Variants in UBE2D1 observed in about 807,000 individuals in gnomAD.
UBE2D1 encodes ubiquitin-conjugating enzyme E2 D1.
A neutral mutation model predicts 24.6 loss-of-function variants in UBE2D1; 9 were observed. The observed-to-expected ratio is 0.37, with a 90% CI of 0.22 to 0.64. UBE2D1 has a LOEUF of 0.64. UBE2D1 is among the 30% of genes least tolerant of loss of function. UBE2D1 has a pLI of 0.64. For missense variants in UBE2D1, 87 were observed against 177.1 expected, an observed-to-expected ratio of 0.49 and a Z score of 2.89; for synonymous variants, 57 against 57.6, an observed-to-expected ratio of 0.99 and a Z score of 0.04.
chr10:58,370,679 C>G lies in UBE2D1; in HGVS notation c.*1914C>G, dbSNP rs558051759. On this transcript the variant is annotated 3_prime_UTR_variant, in exon 7 of 7. Coordinates refer to ENST00000373910, the MANE Select transcript of UBE2D1 (RefSeq NM_003338.5). Reference sequence around the variant, plus strand: ...CACTTTAAACAAAAAAAAAAAACAACTTTCATTTGTGTGGCATTTATTTTT... The same window carrying G: ...CACTTTAAACAAAAAAAAAAAACAAGTTTCATTTGTGTGGCATTTATTTTT... 5.4e-5 allele frequency: 8 copies of G among 147,736 alleles called. No homozygotes were observed. Among genetic ancestry groups the G allele is most frequent in the African/African-American group, 1.8e-4 (7 of 39,014 alleles). The allele number at this position is 147,736 out of a possible 1,614,324, so 9.2% of individuals were successfully genotyped here. A position where few individuals can be genotyped will look rare whatever the true frequency, so the allele number is the denominator to read the frequency against.
At chr10:58,347,491 T>C (rs1840029130) in intron 1 of UBE2D1, among the ~76,000 whole-genome samples, 1 of 152,100 alleles carries the variant, frequency 6.6e-6, no homozygotes, top group African/African-American at 2.4e-5. Context: ...CAGGAAGCCA[T>C]GTTTGAAAGT....
At chr10:58,366,574 A>AT (rs1006401882) in intron 5 of UBE2D1, among the ~76,000 whole-genome samples, 2 of 151,862 alleles carry the variant, frequency 1.3e-5, no homozygotes, top group Non-Finnish European at 2.9e-5. Context: ...ACTTTGCTAT[A>AT]TTTTTTTAAA....
Position 58,355,196 on chromosome 10 carries a change from A to C in UBE2D1, c.25-6142A>C, listed in dbSNP as rs536150542. Reference sequence around the variant, plus strand: ...CTCATAGACTTCCTGAAAGTGTTTTAGAAAACCCAAGGGGGTTCTTTGGAG... The same window carrying C: ...CTCATAGACTTCCTGAAAGTGTTTTCGAAAACCCAAGGGGGTTCTTTGGAG... On this transcript the variant is annotated intron_variant, in intron 1 of 6. Coordinates refer to ENST00000373910, the MANE Select transcript of UBE2D1 (RefSeq NM_003338.5). 4.6e-5 allele frequency among the ~76,000 whole-genome samples: 7 copies of C among 152,350 alleles called. No individual in the cohort carries two copies. In the East Asian group the frequency reaches 1.3e-3, roughly 29 times the overall value.
At chr10:58,342,340 C>T (rs539548681) in intron 1 of UBE2D1, among the ~76,000 whole-genome samples, 3 of 152,166 alleles carry the variant, frequency 2.0e-5, no homozygotes, top group African/African-American at 4.8e-5. Flanking sequence ...ATTTAGATTC[C>T]TGGGTTTTTT....
chr10:58,354,313 G>A (rs974854458), intron 1 of UBE2D1, among the ~76,000 whole-genome samples: 3 of 151,866 alleles, frequency 2.0e-5, no homozygotes, highest in Non-Finnish European at 4.4e-5. Context: ...TGAAAGGAAG[G>A]TTATTTTAGA....
At chr10:58,348,677 ATTT>A (rs1029810857) in intron 1 of UBE2D1, among the ~76,000 whole-genome samples, 3 of 152,156 alleles carry the variant, frequency 2.0e-5, no homozygotes, top group Non-Finnish European at 4.4e-5. Context: ...ACAACAAAGC[ATTT>A]TTAGTCTGGT....
intron 4 of UBE2D1, among the ~76,000 whole-genome samples, chr10:58,363,970 T>G (rs957709957): frequency 7.2e-5 from 11 of 152,158 alleles, no homozygotes; most frequent in Non-Finnish European, 1.3e-4. Context: ...GTTTTTATGA[T>G]TAAGAGTCAG....
chr10:58,352,439 G>T (rs1002708884), intron 1 of UBE2D1, among the ~76,000 whole-genome samples: 2 of 148,976 alleles, frequency 1.3e-5, no homozygotes, highest in African/African-American at 4.9e-5. Flanking sequence ...AGTCCTACTT[G>T]TAATAACTGG....
At chr10:58,335,320 G>C in intron 1 of UBE2D1, 95 bp downstream of exon 1, 4 of 1,351,312 alleles carry the variant, frequency 3.0e-6, no homozygotes, top group Non-Finnish European at 3.9e-6. Flanking sequence ...GGGAGAGCAA[G>C]GGATGGAAGG....
intron 3 of UBE2D1, 83 bp from the exon 4 acceptor site, chr10:58,363,526 C>A: frequency 1.0e-6 from 1 of 964,002 alleles, no homozygotes; most frequent in Non-Finnish European, 1.5e-6. Flanking sequence ...TTTTTTCAAA[C>A]TGATAATATT....
intron 1 of UBE2D1, among the ~76,000 whole-genome samples, chr10:58,350,741 G>A (rs1840065666): frequency 6.6e-6 from 1 of 152,124 alleles, no homozygotes; most frequent in African/African-American, 2.4e-5. Flanking sequence ...ATTTAGGATT[G>A]ATTTTTGTAT....
At chr10:58,361,559 C>T (rs965051515) in intron 3 of UBE2D1, 33 bp downstream of exon 3, 8 of 1,612,984 alleles carry the variant, frequency 5.0e-6, no homozygotes, top group Non-Finnish European at 6.8e-6. Flanking sequence ...AAATTAACCC[C>T]CTCAGCCATA....
intron 1 of UBE2D1, among the ~76,000 whole-genome samples, chr10:58,349,635 G>T (rs148396552): frequency 6.6e-6 from 1 of 151,434 alleles, no homozygotes; most frequent in Non-Finnish European, 1.5e-5. Context: ...TATGTTATTC[G>T]TTGTGGCAAA....
chr10:58,335,246 T>A, intron 1 of UBE2D1, 21 bp downstream of exon 1: 1 of 1,524,836 alleles, frequency 6.6e-7, no homozygotes. Context: ...GGGCCGGGCC[T>A]GGGGCTGCGG....
chr10:58,361,012 T>C, intron 1 of UBE2D1: 1 of 470,962 alleles, frequency 2.1e-6, no homozygotes, highest in South Asian at 1.8e-5. Flanking sequence ...TAGTACCTGT[T>C]TTCTGATATA....
intron 1 of UBE2D1, among the ~76,000 whole-genome samples, chr10:58,348,959 G>A (rs1840044352): frequency 6.6e-6 from 1 of 152,126 alleles, no homozygotes; most frequent in Non-Finnish European, 1.5e-5. Flanking sequence ...TTGGTTTTAT[G>A]GAGAACACTC....
intron 1 of UBE2D1, chr10:58,360,892 A>G (rs759046332): frequency 6.8e-6 from 3 of 440,300 alleles, no homozygotes; most frequent in Non-Finnish European, 1.4e-5. Flanking sequence ...ACTGCACTCC[A>G]TCCTGGGCGA....
chr10:58,356,008 G>C (rs1840127275), intron 1 of UBE2D1, among the ~76,000 whole-genome samples: 1 of 151,986 alleles, frequency 6.6e-6, no homozygotes, highest in Non-Finnish European at 1.5e-5. Flanking sequence ...TTAATGAAAA[G>C]AGAAGATGCT....
At chr10:58,342,364 A>C (rs1001045270) in intron 1 of UBE2D1, among the ~76,000 whole-genome samples, 1 of 151,920 alleles carries the variant, frequency 6.6e-6, no homozygotes, top group African/African-American at 2.4e-5. Flanking sequence ...AGACTTAAGA[A>C]ACTTCTCCAG....
Sources: allele counts gnomAD v4.1 joint callset (sites outside exome capture counted in the v4.1 genomes callset), GRCh38; gene constraint gnomAD v4.1.1; transcripts MANE v1.5; gene names NCBI Gene and HGNC (gene_info 2026-07-23, HGNC 2026-07-21).